ACVR2B: variants seen among roughly 807,000 people sequenced by gnomAD.
ACVR2B encodes activin receptor type-2B.
Under a neutral mutation model 65.1 loss-of-function variants are expected in ACVR2B, and 18 were observed. The observed-to-expected ratio is 0.28, with a 90% CI of 0.19 to 0.41. ACVR2B has a LOEUF of 0.41. ACVR2B is among the 10% of genes least tolerant of loss of function. The pLI is 1.00. For missense variants in ACVR2B, 482 were observed against 682.7 expected (o/e 0.71, Z 3.28); for synonymous variants, 298 against 277.7 (o/e 1.07, Z -0.73).
At chr3:38,456,939 G>A (rs1035662883) in intron 1 of ACVR2B, among the ~76,000 whole-genome samples, 1 of 152,224 alleles carries the variant, frequency 6.6e-6, no homozygotes, top group South Asian at 2.1e-4. Flanking sequence ...TGGCACAGTG[G>A]CTCATGCCAG....
Position 38,481,218 on chromosome 3 carries a change from C to A in ACVR2B, c.960-133C>A. The A allele has an allele frequency of 1.3e-6, 1 of 787,650 alleles. No individual in the cohort carries two copies. Among genetic ancestry groups the A allele is most frequent in the Non-Finnish European group, 2.3e-6 (1 of 441,740 alleles). 48.8% of individuals were successfully genotyped at this position (787,650 alleles called of 1,614,324 possible). ...CAGCTGCCTGCTTGTGCTGCTTCACCTCTGCACCCCAGGTAGGGTGGGATG... is the reference window on the plus strand; with the variant it reads ...CAGCTGCCTGCTTGTGCTGCTTCACATCTGCACCCCAGGTAGGGTGGGATG... On this transcript the variant is annotated intron_variant, in intron 7 of 10. Coordinates refer to ENST00000352511, the MANE Select transcript of ACVR2B (RefSeq NM_001106.4). The surrounding 1 kb of genome is among the most constrained non-coding windows in gnomAD (Gnocchi z 4.7).
rs751423053 is a variant in ACVR2B, at chr3:38,489,816, G to A, written c.*6484G>A. On this transcript the variant is annotated 3_prime_UTR_variant, in exon 11 of 11. Coordinates refer to ENST00000352511, the MANE Select transcript of ACVR2B (RefSeq NM_001106.4). ...TAATCCACCAGACTGAATTATCTAA[G>A]ATCACATTATCCAGGTTGGGGGGCA... 10 of 152,184 alleles carry A rather than the reference G, an allele frequency of 6.6e-5. No individual in the cohort carries two copies. Among genetic ancestry groups the A allele is most frequent in the Non-Finnish European group, 1.2e-4 (8 of 68,028 alleles). 9.4% of individuals were successfully genotyped at this position (152,184 alleles called of 1,614,324 possible).
At chr3:38,466,401 G>T (rs186472531) in intron 1 of ACVR2B, among the ~76,000 whole-genome samples, 2 of 152,156 alleles carry the variant, frequency 1.3e-5, no homozygotes, top group African/African-American at 4.8e-5. Context: ...TAATGGATTT[G>T]TTAATTACCC....
intron 8 of ACVR2B, 130 bp from the exon 9 acceptor site, chr3:38,482,068 A>G: frequency 1.7e-6 from 2 of 1,190,694 alleles, no homozygotes; most frequent in East Asian, 2.4e-5. Flanking sequence ...GAGGTTTGCT[A>G]TCATTGATAA....
chr3:38,478,099 G>A (rs373716857), intron 3 of ACVR2B, 42 bp from the exon 4 acceptor site: 1 of 1,610,530 alleles, frequency 6.2e-7, no homozygotes, highest in East Asian at 2.2e-5. Flanking sequence ...GAAGTGTGAG[G>A]GTGGGCAGAC....
At chr3:38,455,692 G>C (rs1312797476) in intron 1 of ACVR2B, among the ~76,000 whole-genome samples, 1 of 152,220 alleles carries the variant, frequency 6.6e-6, no homozygotes, top group Non-Finnish European at 1.5e-5. Flanking sequence ...CCTGAGTACC[G>C]TATGGAAGAG....
chr3:38,473,230 CAG>C (rs763636243), intron 1 of ACVR2B, among the ~76,000 whole-genome samples: 2 of 152,188 alleles, frequency 1.3e-5, no homozygotes, highest in Non-Finnish European at 2.9e-5. Flanking sequence ...GGCTGTGACT[CAG>C]GGATGCAGCA....
At chr3:38,459,810 C>A in intron 1 of ACVR2B, 1 of 309,574 alleles carries the variant, frequency 3.2e-6, no homozygotes, top group Non-Finnish European at 4.7e-6. Flanking sequence ...AGGCAGCCGA[C>A]ACTGGAGGCC....
chr3:38,461,173 T>C (rs944732973), intron 1 of ACVR2B, among the ~76,000 whole-genome samples: 3 of 152,216 alleles, frequency 2.0e-5, no homozygotes, highest in Non-Finnish European at 4.4e-5. Flanking sequence ...TTTTAATGAA[T>C]GTCCAGTGCC....
intron 1 of ACVR2B, among the ~76,000 whole-genome samples, chr3:38,470,793 G>A (rs1709805594): frequency 6.6e-6 from 1 of 152,148 alleles, no homozygotes; most frequent in African/African-American, 2.4e-5. Context: ...TAGTATAAGT[G>A]TACCCATTAA....
In ACVR2B at chr3:38,479,264, A is replaced by G. The variant is rs1195333528; in HGVS notation, c.803A>G (p.His268Arg). ...EVELWLITAF[H>R]DKGSLTDYLK... ...GAGCTGTGGCTCATCACGGCCTTCC[A>G]TGACAAGGTGAGCCACACCCATCAG... The change falls in exon 6 of 11, where the codon CAT (histidine) becomes CGT (arginine). Residue 268 changes from histidine to arginine, a missense_variant. This residue lies in a region of ACVR2B where 223 missense variants were observed against 386.3 expected (regional missense o/e 0.58). Transcript: ENST00000352511. The G allele has an allele frequency of 6.2e-7, 1 of 1,614,020 alleles. No individual in the cohort carries two copies. The highest frequency in any genetic ancestry group is 8.5e-7 in the Non-Finnish European group (1 of 1,180,014).
chr3:38,482,168 T>A, intron 8 of ACVR2B, 30 bp from the exon 9 acceptor site: 2 of 1,613,694 alleles, frequency 1.2e-6, no homozygotes, highest in Non-Finnish European at 1.7e-6. Context: ...CCAGTCACTG[T>A]AAATCCTGCC....
chr3:38,456,450 G>GGATA (rs1385040753), intron 1 of ACVR2B, among the ~76,000 whole-genome samples: 1 of 152,186 alleles, frequency 6.6e-6, no homozygotes, highest in African/African-American at 2.4e-5. Flanking sequence ...TATGAACTAT[G>GGATA]GATAGATATA....
intron 1 of ACVR2B, among the ~76,000 whole-genome samples, chr3:38,458,495 C>G (rs775350331): frequency 1.3e-5 from 2 of 152,064 alleles, no homozygotes; most frequent in Non-Finnish European, 2.9e-5. Flanking sequence ...GCTTGTTCTG[C>G]GGGGGAGGGG....
In ACVR2B at chr3:38,485,658, T is replaced by C; in HGVS notation, c.*2326T>C. 7.4e-6 allele frequency: 1 copy of C among 134,662 alleles called. No individual in the cohort carries two copies. The highest frequency in any genetic ancestry group is 2.6e-5 in the African/African-American group (1 of 37,822). The allele number at this position is 134,662 out of a possible 1,614,324, so 8.3% of individuals were successfully genotyped here. Reference sequence around the variant, plus strand: ...TTACAGGAACAGGGTTTCGGTAAGCTATGTTGTCTTTTTTTTTTTTTTTTT... The same window carrying C: ...TTACAGGAACAGGGTTTCGGTAAGCCATGTTGTCTTTTTTTTTTTTTTTTT... On this transcript the variant is annotated 3_prime_UTR_variant, in exon 11 of 11. Transcript: ENST00000352511.
chr3:38,475,956 C>G (rs1308970292), intron 1 of ACVR2B: 2 of 152,254 alleles, frequency 1.3e-5, no homozygotes, highest in Non-Finnish European at 2.9e-5. Flanking sequence ...TATGTGGGCC[C>G]AAAAAGTGTG....
intron 1 of ACVR2B, among the ~76,000 whole-genome samples, chr3:38,454,989 G>A (rs1026221647): frequency 3.9e-5 from 6 of 151,908 alleles, no homozygotes; most frequent in Admixed American, 6.6e-5. Flanking sequence ...GGACCGCTTT[G>A]TTTGGGCACT....
chr3:38,454,558 C>T (rs888890507), intron 1 of ACVR2B, 184 bp downstream of exon 1: 1 of 441,078 alleles, frequency 2.3e-6, no homozygotes, highest in Non-Finnish European at 3.6e-6. Context: ...AACTTGGGGG[C>T]ACGATCTTGT....
At chr3:38,476,797 T>C (rs1461725284) in intron 1 of ACVR2B, 3 of 215,266 alleles carry the variant, frequency 1.4e-5, no homozygotes, top group South Asian at 1.7e-4. Context: ...GGATTGGGCC[T>C]GGAAATACGT....
Sources: gnomAD v4.1 joint callset for allele counts (sites outside exome capture counted in the v4.1 genomes callset) on GRCh38, gnomAD v4.1.1 for gene constraint, gnomAD v4.1.1 regional missense constraint, Gnocchi (gnomAD v3.1) non-coding constraint, MANE v1.5 for transcripts, NCBI Gene and HGNC (gene_info 2026-07-23, HGNC 2026-07-21) for gene names.